The following SEMA3E variants were observed in gnomAD, a reference collection of about 807,000 sequenced individuals.
SEMA3E encodes the protein semaphorin-3E.
SEMA3E carries 49 observed loss-of-function variants against 93.6 expected under a neutral mutation model. That is an observed-to-expected ratio of 0.52 (90% CI 0.42 to 0.66). The LOEUF (loss-of-function observed/expected upper bound fraction) is 0.66, where lower values mean the gene tolerates loss of function less well. Among genes scored for constraint, SEMA3E ranks in the 30% least tolerant of loss-of-function variants. The probability of loss-of-function intolerance (pLI) is 0.00; values close to 1 mark genes in which losing one functional copy is unlikely to be tolerated. For missense variants in SEMA3E, 906 were observed against 964.8 expected (o/e 0.94, Z 0.81); for synonymous variants, 363 against 330.7 (o/e 1.10, Z -1.06).
At chr7:83,384,734 C>T (rs1787845609) in intron 16 of SEMA3E, among the ~76,000 whole-genome samples, 1 of 152,040 alleles carries the variant, frequency 6.6e-6, no homozygotes, top group Non-Finnish European at 1.5e-5. Flanking sequence ...TCATTCCTCT[C>T]CCATCATTTA....
chr7:83,533,813 T>TGTGG (rs2115736132), intron 1 of SEMA3E, among the ~76,000 whole-genome samples: 1 of 152,172 alleles, frequency 6.6e-6, no homozygotes, highest in East Asian at 1.9e-4. Context: ...TATTTGGAAT[T>TGTGG]GTGGCTGGCT....
intron 1 of SEMA3E, among the ~76,000 whole-genome samples, chr7:83,594,792 G>A (rs1472886212): frequency 6.6e-6 from 1 of 152,038 alleles, no homozygotes; most frequent in Non-Finnish European, 1.5e-5. Context: ...GGTGGGTATA[G>A]TATCCAGAAT....
At chr7:83,433,562 C>T (rs1279793063) in intron 4 of SEMA3E, among the ~76,000 whole-genome samples, 3 of 145,242 alleles carry the variant, frequency 2.1e-5, no homozygotes, top group Admixed American at 6.8e-5. Context: ...ATTGGAGAAG[C>T]TTTCACATTC....
intron 6 of SEMA3E, 119 bp from the exon 7 acceptor site, chr7:83,407,358 A>C (rs1788350497): frequency 1.1e-6 from 1 of 917,434 alleles, no homozygotes; most frequent in Admixed American, 2.5e-5. Context: ...CCATTTCATA[A>C]AGAAATATTT....
intron 1 of SEMA3E, among the ~76,000 whole-genome samples, chr7:83,560,846 T>A (rs1452925339): frequency 6.6e-6 from 1 of 152,024 alleles, no homozygotes; most frequent in East Asian, 1.9e-4. Context: ...ATCATACTTT[T>A]TAAACTTTCA....
intron 14 of SEMA3E, among the ~76,000 whole-genome samples, chr7:83,390,690 G>A (rs1410570538): frequency 6.6e-6 from 1 of 152,138 alleles, no homozygotes; most frequent in Non-Finnish European, 1.5e-5. Context: ...GGGTAGTGAT[G>A]GTTCAAAAGA....
chr7:83,408,003 C>G (rs1035510953), intron 6 of SEMA3E, among the ~76,000 whole-genome samples: 1 of 152,074 alleles, frequency 6.6e-6, no homozygotes, highest in Non-Finnish European at 1.5e-5. Flanking sequence ...CCTATTAAAA[C>G]AAGCAAAGCA....
At chr7:83,460,531 C>T (rs1414477592) in intron 4 of SEMA3E, among the ~76,000 whole-genome samples, 2 of 152,032 alleles carry the variant, frequency 1.3e-5, no homozygotes, top group East Asian at 1.9e-4. Flanking sequence ...CGCAGGGATG[C>T]CTGCCTTGGT....
At chr7:83,469,341 A>C (rs778048578) in intron 2 of SEMA3E, 39 bp from the exon 3 acceptor site, 1 of 1,393,640 alleles carries the variant, frequency 7.2e-7, no homozygotes, top group Non-Finnish European at 1.0e-6. Context: ...ACAACTGCAT[A>C]TAAAAATAAA....
intron 1 of SEMA3E, among the ~76,000 whole-genome samples, chr7:83,507,077 A>G (rs73174588): frequency 0.15 from 22,926 of 152,194 alleles, 2,087 homozygotes; most frequent in Middle Eastern, 0.35. Flanking sequence ...CAAGAGCAAA[A>G]TTCATTACCA....
chr7:83,478,300 A>G (rs1244738668), intron 2 of SEMA3E, among the ~76,000 whole-genome samples: 1 of 152,202 alleles, frequency 6.6e-6, no homozygotes, highest in Non-Finnish European at 1.5e-5. Flanking sequence ...AAAACTATAG[A>G]TCAAAGTTTC....
At chr7:83,484,876 G>A (rs10243278) in intron 2 of SEMA3E, among the ~76,000 whole-genome samples, 5,780 of 152,252 alleles carry the variant, frequency 0.038, 189 homozygotes, top group African/African-American at 0.09. Flanking sequence ...AGGTATTGGT[G>A]CAGAGCTAAA....
At position 83,406,033 on chromosome 7, in the gene SEMA3E, C is replaced by T; in HGVS notation, c.840G>A (p.Leu280=). The change falls in exon 8 of 17, where the codon CTG becomes CTA. Residue 280 remains leucine (L), a synonymous_variant. Coordinates refer to ENST00000643230, the MANE Select transcript of SEMA3E (RefSeq NM_012431.3). The stretch of plus-strand genomic sequence containing the variant: ...TTAGGAAAGTGCTCCACTTATTCAC[C>T]AGTATTCTCTGCCCTCCTACATCAT... ...CVNDVGGQRI[L]VNKWSTFLKA... is the part of the protein sequence containing the mutation. 6.2e-7 allele frequency: 1 copy of T among 1,613,054 alleles called. No homozygotes were observed.
At chr7:83,484,861 T>G (rs981506713) in intron 2 of SEMA3E, among the ~76,000 whole-genome samples, 3 of 152,118 alleles carry the variant, frequency 2.0e-5, no homozygotes, top group Admixed American at 6.6e-5. Flanking sequence ...GTTGCTAAGA[T>G]AGAGAGGTAT....
At chr7:83,408,111 T>G (rs1788361710) in intron 6 of SEMA3E, among the ~76,000 whole-genome samples, 1 of 152,190 alleles carries the variant, frequency 6.6e-6, no homozygotes, top group Non-Finnish European at 1.5e-5. Context: ...TTGTTTTGTT[T>G]TCCTTATTCA....
intron 16 of SEMA3E, among the ~76,000 whole-genome samples, chr7:83,374,815 T>C (rs921927487): frequency 2.6e-5 from 4 of 151,808 alleles, no homozygotes; most frequent in Admixed American, 2.6e-4. Context: ...AGGATGAAAG[T>C]AGAAAAAGGA....
intron 1 of SEMA3E, 73 bp from the exon 2 acceptor site, chr7:83,490,347 C>T (rs1790356944): frequency 5.4e-6 from 8 of 1,491,672 alleles, no homozygotes; most frequent in Non-Finnish European, 5.5e-6. Context: ...TTTCTCATAG[C>T]TCTGTTTTCA....
rs1794682648 is a variant in SEMA3E, at chr7:83,367,273, T to C, written c.*313A>G. ...ATTTTTCTTCAATATTCTAATAATC[T>C]TGTCTTCCAAAAGTAAAATAATAAT... On this transcript the variant is annotated 3_prime_UTR_variant, in exon 17 of 17. Coordinates refer to ENST00000643230, the MANE Select transcript of SEMA3E (RefSeq NM_012431.3). 3.5e-6 allele frequency: 1 copy of C among 284,552 alleles called. No individual in the cohort carries two copies. Among genetic ancestry groups the C allele is most frequent in the African/African-American group, 2.2e-5 (1 of 45,326 alleles). 17.6% of individuals were successfully genotyped at this position (284,552 alleles called of 1,614,324 possible). A position where few individuals can be genotyped will look rare whatever the true frequency, so the allele number is the denominator to read the frequency against.
At chr7:83,432,272 G>T (rs201389294) in intron 4 of SEMA3E, among the ~76,000 whole-genome samples, 4 of 146,742 alleles carry the variant, frequency 2.7e-5, no homozygotes, top group Admixed American at 6.8e-5. Flanking sequence ...GCATTTGAGG[G>T]TTTTTTTTTT....
Sources: allele counts gnomAD v4.1 joint callset (sites outside exome capture counted in the v4.1 genomes callset), GRCh38; gene constraint gnomAD v4.1.1; transcripts MANE v1.5; gene names NCBI Gene and HGNC (gene_info 2026-07-23, HGNC 2026-07-21).